The following ARHGAP6 variants were observed in gnomAD, a reference collection of about 807,000 sequenced individuals.
ARHGAP6 encodes the protein Rho GTPase activating protein 6.
ARHGAP6 carries 16 observed loss-of-function variants against 55.7 expected under a neutral mutation model. The observed-to-expected ratio is 0.29, with a 90% CI of 0.19 to 0.44. The LOEUF (loss-of-function observed/expected upper bound fraction) is 0.44. Among genes scored for constraint, ARHGAP6 ranks in the 20% least tolerant of loss-of-function variants. The pLI, the probability that ARHGAP6 is intolerant of heterozygous loss-of-function variation, is 1.00. For missense variants in ARHGAP6, 698 were observed against 808.9 expected, an observed-to-expected ratio of 0.86 and a Z score of 1.66; for synonymous variants, 382 against 360.9, an observed-to-expected ratio of 1.06 and a Z score of -0.66.
At chrX:11,596,533 T>C (rs1048969255) in intron 1 of ARHGAP6, among the ~76,000 whole-genome samples, 2 of 111,124 alleles carry the variant, frequency 1.8e-5, no homozygotes, top group Admixed American at 1.9e-4. Flanking sequence ...GTAACAAAAC[T>C]GCACGTTCTG....
chrX:11,587,643 G>A (rs1196709713), intron 1 of ARHGAP6, among the ~76,000 whole-genome samples: 3 of 112,259 alleles, frequency 2.7e-5, no homozygotes, highest in Non-Finnish European at 5.6e-5. Flanking sequence ...AATCTGAGAT[G>A]TTTTCTCTCT....
At position 11,188,717 on chromosome X, in the gene ARHGAP6, G is replaced by T. The variant is rs747850146; in HGVS notation, c.1077+11C>A. ...TAGCACTGGTGTCAGAGCAAATACT[G>T]GCCACCTCACCCTCCTCCTAGCCCG... On this transcript the variant is annotated intron_variant, in intron 4 of 12. Coordinates refer to ENST00000337414, the MANE Select transcript of ARHGAP6 (RefSeq NM_013427.3). 1 of 1,205,552 alleles carries T rather than the reference G, an allele frequency of 8.3e-7. No individual in the cohort carries two copies. The highest frequency in any genetic ancestry group is 1.8e-5 in the South Asian group (1 of 55,654).
intron 1 of ARHGAP6, among the ~76,000 whole-genome samples, chrX:11,264,478 C>T (rs1159899324): frequency 3.6e-5 from 4 of 111,594 alleles, no homozygotes; most frequent in Non-Finnish European, 7.5e-5. Context: ...TCCTCAAGGG[C>T]AAAAACGTCA....
intron 1 of ARHGAP6, among the ~76,000 whole-genome samples, chrX:11,395,494 T>C (rs765879715): frequency 8.9e-6 from 1 of 112,040 alleles, no homozygotes; most frequent in Non-Finnish European, 1.9e-5. Context: ...ATAATATAAA[T>C]ACTCATTGTG....
intron 2 of ARHGAP6, among the ~76,000 whole-genome samples, chrX:11,210,206 C>T (rs988366038): frequency 8.9e-6 from 1 of 112,648 alleles, no homozygotes; most frequent in African/African-American, 3.2e-5. Flanking sequence ...GCAAAGTCAT[C>T]ACCACTTTTG....
intron 1 of ARHGAP6, among the ~76,000 whole-genome samples, chrX:11,504,048 AT>A (rs202127320): frequency 6.4e-5 from 7 of 109,748 alleles, no homozygotes; most frequent in African/African-American, 1.7e-4. Flanking sequence ...TTATGTATCA[AT>A]TTTTTTTGGG....
intron 2 of ARHGAP6, among the ~76,000 whole-genome samples, chrX:11,243,709 G>A (rs191223021): frequency 8.9e-6 from 1 of 112,400 alleles, no homozygotes; most frequent in African/African-American, 3.2e-5. Flanking sequence ...ATATAAGACA[G>A]TGGTCTGAAA....
intron 1 of ARHGAP6, among the ~76,000 whole-genome samples, chrX:11,544,878 T>G (rs1442523223): frequency 8.9e-6 from 1 of 112,770 alleles, no homozygotes; most frequent in Non-Finnish European, 1.9e-5. Context: ...GGGCCAACGC[T>G]ATTTGTCAGA....
intron 1 of ARHGAP6, among the ~76,000 whole-genome samples, chrX:11,497,871 A>G (rs888428842): frequency 4.3e-4 from 48 of 110,388 alleles, no homozygotes; most frequent in African/African-American, 1.5e-3. Flanking sequence ...TTAACACACC[A>G]AACAATGATG....
intron 1 of ARHGAP6, among the ~76,000 whole-genome samples, chrX:11,340,929 G>A (rs1401275292): frequency 9.1e-6 from 1 of 110,045 alleles, no homozygotes; most frequent in Middle Eastern, 4.2e-3. Flanking sequence ...ATCAATAAAC[G>A]GTTGTTGCAT....
intron 2 of ARHGAP6, among the ~76,000 whole-genome samples, chrX:11,253,929 A>G (rs2047456692): frequency 9.0e-6 from 1 of 110,778 alleles, no homozygotes; most frequent in Non-Finnish European, 1.9e-5. Flanking sequence ...GTGCCTTTAT[A>G]GACAACAGTA....
chrX:11,477,161 T>TA (rs34155965), intron 1 of ARHGAP6, among the ~76,000 whole-genome samples: 1,640 of 86,516 alleles, frequency 0.019, 9 homozygotes, highest in Middle Eastern at 0.043. Flanking sequence ...TCAAATATGA[T>TA]AAAAAAAAAA....
At chrX:11,230,644 A>C (rs866863367) in intron 2 of ARHGAP6, among the ~76,000 whole-genome samples, 1 of 98,171 alleles carries the variant, frequency 1.0e-5, no homozygotes, top group Admixed American at 1.2e-4. Context: ...TGTGTGTATA[A>C]ATGTGTGTAT....
intron 1 of ARHGAP6, among the ~76,000 whole-genome samples, chrX:11,480,733 G>T (rs754077326): frequency 1.8e-5 from 2 of 111,582 alleles, no homozygotes; most frequent in East Asian, 5.7e-4. Context: ...CACACAGAAA[G>T]AACTCAGCAA....
intron 1 of ARHGAP6, among the ~76,000 whole-genome samples, chrX:11,302,778 T>C (rs1182360062): frequency 2.7e-5 from 3 of 111,093 alleles, no homozygotes; most frequent in Middle Eastern, 4.6e-3. Flanking sequence ...ATGGTATTCA[T>C]TATCACCACC....
intron 1 of ARHGAP6, chrX:11,294,711 A>C: frequency 9.3e-7 from 1 of 1,075,032 alleles, no homozygotes; most frequent in Admixed American, 2.2e-5. Flanking sequence ...TGTGTGTTTT[A>C]TGGAGCATTC....
intron 2 of ARHGAP6, among the ~76,000 whole-genome samples, chrX:11,212,837 A>G (rs1455899174): frequency 8.9e-6 from 1 of 112,500 alleles, no homozygotes; most frequent in Non-Finnish European, 1.9e-5. Context: ...AAATATATAT[A>G]GGACCTGTAG....
chrX:11,570,485 G>T (rs978100754), intron 1 of ARHGAP6, among the ~76,000 whole-genome samples: 1 of 111,060 alleles, frequency 9.0e-6, no homozygotes, highest in African/African-American at 3.3e-5. Flanking sequence ...AGTGGGGGTG[G>T]TTAGAAATTA....
intron 1 of ARHGAP6, among the ~76,000 whole-genome samples, chrX:11,455,450 G>A (rs1026963794): frequency 3.6e-5 from 4 of 112,131 alleles, no homozygotes; most frequent in Admixed American, 2.8e-4. Flanking sequence ...CCACAGTTGT[G>A]TAATTGCAGC....
Sources: allele counts gnomAD v4.1 joint callset (sites outside exome capture counted in the v4.1 genomes callset), GRCh38; gene constraint gnomAD v4.1.1; transcripts MANE v1.5; gene names NCBI Gene and HGNC (gene_info 2026-07-23, HGNC 2026-07-21).